The following PRKN variants were observed in gnomAD, a reference collection of about 807,000 sequenced individuals.
PRKN encodes parkin RBR E3 ubiquitin protein ligase.
Under a neutral mutation model 59.5 loss-of-function variants are expected in PRKN, and 56 were observed. The observed-to-expected ratio is 0.94, with a 90% CI of 0.76 to 1.18. PRKN has a LOEUF of 1.18. Among genes scored for constraint, PRKN ranks in the 50% most tolerant of loss-of-function variants. PRKN has a pLI of 0.00. For missense variants in PRKN, 657 were observed against 596.4 expected (o/e 1.10, Z -1.06); for synonymous variants, 250 against 222.1 (o/e 1.13, Z -1.12).
chr6:162,354,131 T>C (rs1443751520), intron 2 of PRKN, among the ~76,000 whole-genome samples: 2 of 152,174 alleles, frequency 1.3e-5, no homozygotes, highest in Non-Finnish European at 2.9e-5. Context: ...CAATGTTATG[T>C]ATTCCTGTGA....
chr6:161,635,384 A>T (rs1310208016), intron 7 of PRKN, among the ~76,000 whole-genome samples: 1 of 152,188 alleles, frequency 6.6e-6, no homozygotes, highest in East Asian at 1.9e-4. Context: ...TGGTCTTATA[A>T]AATGAGCCTA....
chr6:161,912,184 A>C (rs1213295596), intron 6 of PRKN, among the ~76,000 whole-genome samples: 1 of 151,970 alleles, frequency 6.6e-6, no homozygotes, highest in African/African-American at 2.4e-5. Flanking sequence ...CCTAAAAAAA[A>C]AAAAAAAAAG....
chr6:162,582,489 A>G lies in PRKN; in HGVS notation c.8-139016T>C, dbSNP rs371849094. On this transcript the variant is annotated intron_variant, in intron 1 of 11. Transcript: ENST00000366898. Reference sequence around the variant, plus strand: ...CACGGAGTTATCCTGTCATATAGATAGCCTAAGGGTCTCTGAAAGAAAAGA... The same window carrying G: ...CACGGAGTTATCCTGTCATATAGATGGCCTAAGGGTCTCTGAAAGAAAAGA... Among the ~76,000 whole-genome samples, 16 of 152,318 alleles carry G rather than the reference A, an allele frequency of 1.1e-4. No individual in the cohort carries two copies. In the East Asian group the frequency reaches 3.1e-3, roughly 29 times the overall value.
At chr6:161,867,754 T>TTTA (rs1351921332) in intron 6 of PRKN, among the ~76,000 whole-genome samples, 23 of 149,070 alleles carry the variant, frequency 1.5e-4, no homozygotes, top group Admixed American at 1.5e-3. Context: ...TATTTATTTA[T>TTTA]TTATTTATTT....
intron 4 of PRKN, among the ~76,000 whole-genome samples, chr6:162,055,234 G>A (rs1324284191): frequency 2.0e-5 from 3 of 152,142 alleles, no homozygotes; most frequent in South Asian, 2.1e-4. Context: ...AGGGGATCAG[G>A]AGCAGCAAAT....
At chr6:161,901,300 C>T (rs9355958) in intron 6 of PRKN, among the ~76,000 whole-genome samples, 36,156 of 151,876 alleles carry the variant, frequency 0.24, 4,807 homozygotes, top group Middle Eastern at 0.33. Context: ...AAGGAAGAGA[C>T]GTAGTGTACT....
chr6:161,981,694 T>G (rs13194019), intron 5 of PRKN, among the ~76,000 whole-genome samples: 1 of 152,200 alleles, frequency 6.6e-6, no homozygotes, highest in Admixed American at 6.5e-5. Context: ...TACTGGGTAT[T>G]ACATAAACCC....
In PRKN at chr6:161,526,735, C is replaced by T. The variant is rs930020824; in HGVS notation, c.1083+22119G>A. Among the ~76,000 whole-genome samples the T allele has an allele frequency of 5.9e-5, 9 of 152,072 alleles. No individual in the cohort carries two copies. Among genetic ancestry groups the T allele is most frequent in the African/African-American group, 9.7e-5 (4 of 41,408 alleles). On this transcript the variant is annotated intron_variant, in intron 9 of 11. Coordinates refer to ENST00000366898, the MANE Select transcript of PRKN (RefSeq NM_004562.3). This position sits in a 1 kb window ranked among gnomAD's most constrained non-coding sequence, Gnocchi z 4.1. ...GGGGACAGAAAAGACTTTCTTTATC[C>T]TCTGAAGGTTCGATAATGTAGTCTA...
chr6:161,897,945 T>A (rs369788754), intron 6 of PRKN, among the ~76,000 whole-genome samples: 37 of 50,678 alleles, frequency 7.3e-4, no homozygotes, highest in African/African-American at 1.5e-3. Context: ...CCAGCCTGGG[T>A]GACAGAGCGA....
At chr6:162,438,075 C>T (rs538984749) in intron 2 of PRKN, among the ~76,000 whole-genome samples, 170 of 152,288 alleles carry the variant, frequency 1.1e-3, no homozygotes, top group African/African-American at 4.0e-3. Flanking sequence ...TCTCCACATC[C>T]TCACCAGCAT....
At position 161,924,462 on chromosome 6, in the gene PRKN, G is replaced by A. The variant is rs1778895938; in HGVS notation, c.734+48840C>T. ...TGACTTGGTCAATTTTGAAAGGCTAGTATTCAGCATAGTGCCTGACACACA... is the reference window on the plus strand; with the variant it reads ...TGACTTGGTCAATTTTGAAAGGCTAATATTCAGCATAGTGCCTGACACACA... On this transcript the variant is annotated intron_variant, in intron 6 of 11. Coordinates refer to ENST00000366898, the MANE Select transcript of PRKN (RefSeq NM_004562.3). 2.6e-5 allele frequency among the ~76,000 whole-genome samples: 4 copies of A among 152,186 alleles called. No individual in the cohort carries two copies. In the South Asian group the frequency reaches 8.3e-4, roughly 31 times the overall value.
chr6:162,312,502 GGGCACAGGGCTGACCCA>G (rs1245527626), intron 2 of PRKN, among the ~76,000 whole-genome samples: 4 of 152,106 alleles, frequency 2.6e-5, no homozygotes, highest in Non-Finnish European at 4.4e-5. Context: ...GAAGAGCCCT[GGGCACAGGGCTGACCCA>G]GGCGATACAA....
At chr6:161,854,659 C>T (rs950498748) in intron 6 of PRKN, among the ~76,000 whole-genome samples, 1 of 152,102 alleles carries the variant, frequency 6.6e-6, no homozygotes. Context: ...TGGAAGACTA[C>T]CATTACTGAC....
intron 2 of PRKN, among the ~76,000 whole-genome samples, chr6:162,425,594 T>C (rs1789199216): frequency 1.3e-5 from 2 of 152,166 alleles, no homozygotes; most frequent in South Asian, 4.1e-4. Context: ...ATCCATTCTT[T>C]GAATGCCACT....
rs1021698446 is a variant in PRKN, at chr6:161,576,181, T to C, written c.872-6765A>G. 6.6e-6 allele frequency among the ~76,000 whole-genome samples: 1 copy of C among 152,222 alleles called. No individual in the cohort carries two copies. The highest frequency in any genetic ancestry group is 1.5e-5 in the Non-Finnish European group (1 of 68,040). On this transcript the variant is annotated intron_variant, in intron 7 of 11. Transcript: ENST00000366898. This position sits in a 1 kb window ranked among gnomAD's most constrained non-coding sequence, Gnocchi z 4.6. ...AATTGCATTCAGTCAGCAGCAGGAC[T>C]TTACAGAATCAAGTTTAAAGCATTA...
rs1320818102 is a variant in PRKN at position 162,387,553 on chromosome 6, CACAGAGAGAGAGAGAG to C, written c.171+55741_171+55756del. ...CACAACACACACACACACACACACA[CACAGAGAGAGAGAGAG>C]AGAGAGAGAGAGAGAGAGAGAGAGA... On this transcript the variant is annotated intron_variant, in intron 2 of 11. Transcript: ENST00000366898. Among the ~76,000 whole-genome samples, 298 of 80,224 alleles carry C rather than the reference CACAGAGAGAGAGAGAG, an allele frequency of 3.7e-3. 1 individual carries two copies. Among genetic ancestry groups the C allele is most frequent in the Middle Eastern group, 6.1e-3 (1 of 164 alleles). 52.6% of individuals were successfully genotyped at this position (80,224 alleles called of 152,430 possible).
intron 3 of PRKN, among the ~76,000 whole-genome samples, chr6:162,216,550 A>AC (rs1442726315): frequency 1.3e-5 from 2 of 150,398 alleles, no homozygotes; most frequent in African/African-American, 4.9e-5. Context: ...AAAAAAAAAA[A>AC]AAAAAAAAAA....
chr6:162,289,387 C>T (rs931538273), intron 2 of PRKN, among the ~76,000 whole-genome samples: 3 of 152,016 alleles, frequency 2.0e-5, no homozygotes, highest in Admixed American at 6.6e-5. Context: ...AGGTCACATT[C>T]CCAGGTGCTT....
chr6:162,370,284 A>C (rs1331628899), intron 2 of PRKN, among the ~76,000 whole-genome samples: 1 of 152,062 alleles, frequency 6.6e-6, no homozygotes, highest in African/African-American at 2.4e-5. Context: ...TCTCATGGAG[A>C]TATATCTCAT....
Sources: allele counts gnomAD v4.1 joint callset (sites outside exome capture counted in the v4.1 genomes callset), GRCh38; gene constraint gnomAD v4.1.1; non-coding constraint Gnocchi (gnomAD v3.1); transcripts MANE v1.5; gene names NCBI Gene and HGNC (gene_info 2026-07-23, HGNC 2026-07-21).